CTNNA3: variants seen among roughly 807,000 people sequenced by gnomAD.
CTNNA3 encodes catenin alpha 3, also known as catenin alpha-3.
CTNNA3 carries 76 observed loss-of-function variants against 95.7 expected under a neutral mutation model. The observed-to-expected ratio is 0.79, with a 90% CI of 0.66 to 0.96. The LOEUF (loss-of-function observed/expected upper bound fraction) is 0.96, where lower values mean the gene tolerates loss of function less well. CTNNA3 is among the 40% of genes least tolerant of loss of function. The pLI is 0.00. For missense variants in CTNNA3, 1,191 were observed against 1,089.8 expected, an observed-to-expected ratio of 1.09 and a Z score of -1.31; for synonymous variants, 431 against 374.4, an observed-to-expected ratio of 1.15 and a Z score of -1.74.
chr10:67,550,412 C>T (rs1029682288), intron 3 of CTNNA3, among the ~76,000 whole-genome samples: 2 of 152,078 alleles, frequency 1.3e-5, no homozygotes, highest in Non-Finnish European at 2.9e-5. Context: ...CTACCTTGTT[C>T]GCTACCTTTC....
intron 5 of CTNNA3, among the ~76,000 whole-genome samples, chr10:67,443,443 C>T (rs1846610251): frequency 6.6e-6 from 1 of 150,798 alleles, no homozygotes; most frequent in South Asian, 2.1e-4. Context: ...TTCTCCACAT[C>T]CTCTCCAGCA....
At chr10:66,205,283 T>A (rs12766125) in intron 13 of CTNNA3, among the ~76,000 whole-genome samples, 11,617 of 152,094 alleles carry the variant, frequency 0.076, 552 homozygotes, top group Admixed American at 0.12. Flanking sequence ...CCCATTTTTT[T>A]AAAATCATCA....
At chr10:66,571,712 G>A (rs565392734) in intron 10 of CTNNA3, among the ~76,000 whole-genome samples, 1 of 152,004 alleles carries the variant, frequency 6.6e-6, no homozygotes, top group South Asian at 2.1e-4. Context: ...AGATAATAGG[G>A]TCATTATAGA....
In CTNNA3 at chr10:66,270,228, G is replaced by C. The variant is rs946465072; in HGVS notation, c.1884+10242C>G. Among the ~76,000 whole-genome samples, 20 of 151,430 alleles carry C rather than the reference G, an allele frequency of 1.3e-4. 1 individual carries two copies. The highest frequency in any genetic ancestry group is 1.9e-4 in the Non-Finnish European group (13 of 67,812). On this transcript the variant is annotated intron_variant, in intron 13 of 17. Coordinates refer to ENST00000433211, the MANE Select transcript of CTNNA3 (RefSeq NM_013266.4). Reference sequence around the variant, plus strand: ...GCAGAACACTATAACATTTTTTGGGGGGGGGGGCAGGGTCTCACTTTGTCA... The same window carrying C: ...GCAGAACACTATAACATTTTTTGGGCGGGGGGGCAGGGTCTCACTTTGTCA...
At chr10:67,564,185 C>T (rs938800855) in intron 3 of CTNNA3, among the ~76,000 whole-genome samples, 3 of 149,786 alleles carry the variant, frequency 2.0e-5, no homozygotes, top group Non-Finnish European at 4.4e-5. Flanking sequence ...TATAAAGACA[C>T]ATGCACACGT....
intron 3 of CTNNA3, among the ~76,000 whole-genome samples, chr10:67,582,689 A>C (rs1842449446): frequency 6.6e-6 from 1 of 151,364 alleles, no homozygotes. Context: ...ATTGTGTGGG[A>C]GTCTAAGTCT....
intron 12 of CTNNA3, among the ~76,000 whole-genome samples, chr10:66,361,458 A>C (rs1206895981): frequency 1.3e-4 from 12 of 92,346 alleles, no homozygotes; most frequent in East Asian, 3.0e-4. Flanking sequence ...CTCTTTCTTT[A>C]TCTTTCTCTT....
Position 66,003,087 on chromosome 10 carries a change from C to T in CTNNA3, c.2160-14290G>A, listed in dbSNP as rs147820089. On this transcript the variant is annotated intron_variant, in intron 15 of 17. Coordinates refer to ENST00000433211, the MANE Select transcript of CTNNA3 (RefSeq NM_013266.4). ...CTGTAATTACATGACATATACTCTG[C>T]CTGGGCACAAGACCAATTTTATTTC... 5.9e-5 allele frequency among the ~76,000 whole-genome samples: 9 copies of T among 152,268 alleles called. No homozygotes were observed. In the East Asian group the frequency reaches 1.7e-3, roughly 29 times the overall value.
At chr10:67,718,350 T>C (rs970576971) in intron 1 of CTNNA3, among the ~76,000 whole-genome samples, 4 of 152,232 alleles carry the variant, frequency 2.6e-5, no homozygotes, top group African/African-American at 7.2e-5. Context: ...CCCAATACTA[T>C]GTTGAGTAGT....
At chr10:67,020,031 C>G (rs548891391) in intron 7 of CTNNA3, among the ~76,000 whole-genome samples, 94 of 151,954 alleles carry the variant, frequency 6.2e-4, no homozygotes, top group Non-Finnish European at 1.2e-3. Context: ...CTTTCCCTCA[C>G]TGTGTCAAGA....
intron 7 of CTNNA3, among the ~76,000 whole-genome samples, chr10:67,017,053 G>C (rs900322423): frequency 6.6e-6 from 1 of 152,094 alleles, no homozygotes; most frequent in Non-Finnish European, 1.5e-5. Context: ...AAATTAATGA[G>C]CCAAGATCTG....
At chr10:67,638,921 TG>T (rs1839422418) in intron 2 of CTNNA3, among the ~76,000 whole-genome samples, 1 of 151,892 alleles carries the variant, frequency 6.6e-6, no homozygotes, top group East Asian at 1.9e-4. Flanking sequence ...GATCTAAAAT[TG>T]ACACCCTAAC....
intron 7 of CTNNA3, among the ~76,000 whole-genome samples, chr10:67,143,074 G>A (rs974587095): frequency 6.6e-6 from 1 of 151,984 alleles, no homozygotes; most frequent in African/African-American, 2.4e-5. Flanking sequence ...GGTTAGGGGT[G>A]GCTGTGGCAA....
chr10:66,914,972 C>T (rs1846412918), intron 7 of CTNNA3, among the ~76,000 whole-genome samples: 1 of 151,894 alleles, frequency 6.6e-6, no homozygotes, highest in Non-Finnish European at 1.5e-5. Flanking sequence ...AAAGCATAGA[C>T]ATTACTCTGT....
chr10:66,287,920 C>G (rs1002092694), intron 12 of CTNNA3, among the ~76,000 whole-genome samples: 2 of 151,948 alleles, frequency 1.3e-5, no homozygotes, highest in Non-Finnish European at 2.9e-5. Flanking sequence ...ATAAGGAATA[C>G]CCAGAGAGTA....
intron 10 of CTNNA3, among the ~76,000 whole-genome samples, chr10:66,534,892 A>T (rs1564517598): frequency 6.6e-6 from 1 of 151,982 alleles, no homozygotes; most frequent in Non-Finnish European, 1.5e-5. Flanking sequence ...AAATGGAAAA[A>T]AAAGCATGTT....
At chr10:66,246,437 G>A (rs2090329178) in intron 13 of CTNNA3, among the ~76,000 whole-genome samples, 1 of 152,032 alleles carries the variant, frequency 6.6e-6, no homozygotes, top group South Asian at 2.1e-4. Context: ...AAGGGCCAGG[G>A]CTCCTGCTTG....
intron 12 of CTNNA3, among the ~76,000 whole-genome samples, chr10:66,306,061 T>C (rs2091929381): frequency 6.6e-6 from 1 of 152,130 alleles, no homozygotes; most frequent in South Asian, 2.1e-4. Context: ...TAATCCCACA[T>C]TCCAAGCAAA....
chr10:67,185,189 C>T (rs1476755965), intron 6 of CTNNA3, among the ~76,000 whole-genome samples: 4 of 151,780 alleles, frequency 2.6e-5, no homozygotes, highest in South Asian at 2.1e-4. Context: ...AGTGCAGTGG[C>T]GCGATCTCGG....
Sources: gnomAD v4.1 joint callset for allele counts (sites outside exome capture counted in the v4.1 genomes callset) on GRCh38, gnomAD v4.1.1 for gene constraint, MANE v1.5 for transcripts, NCBI Gene and HGNC (gene_info 2026-07-23, HGNC 2026-07-21) for gene names.